The following KCNN2 variants were observed in gnomAD, a reference collection of about 807,000 sequenced individuals.
The protein encoded by KCNN2 is potassium calcium-activated channel subfamily N member 2.
A neutral mutation model predicts 55.5 loss-of-function variants in KCNN2; 24 were observed. That is an observed-to-expected ratio of 0.43 (90% CI 0.31 to 0.61). The LOEUF is 0.61. KCNN2 is among the 20% of genes least tolerant of loss of function. KCNN2 has a pLI of 0.08. For missense variants in KCNN2, 754 were observed against 853.6 expected, an observed-to-expected ratio of 0.88 and a Z score of 1.45; for synonymous variants, 431 against 336.1, an observed-to-expected ratio of 1.28 and a Z score of -3.09.
chr5:114,246,958 C>A (rs1754758567), intron 2 of KCNN2, among the ~76,000 whole-genome samples: 3 of 151,408 alleles, frequency 2.0e-5, no homozygotes. Context: ...AATATAATTT[C>A]TCTGATTTGT....
At chr5:114,278,291 G>A (rs1014059511) in intron 2 of KCNN2, among the ~76,000 whole-genome samples, 2 of 152,126 alleles carry the variant, frequency 1.3e-5, no homozygotes, top group Non-Finnish European at 2.9e-5. Context: ...TCCCAGTCAG[G>A]CTACATGGGG....
chr5:114,106,974 C>G (rs1055961933), intron 1 of KCNN2, among the ~76,000 whole-genome samples: 1 of 151,974 alleles, frequency 6.6e-6, no homozygotes, highest in South Asian at 2.1e-4. Context: ...AGATATTCTC[C>G]TATTCAATCT....
Position 114,362,919 on chromosome 5 carries a change from C to T in KCNN2, c.780C>T (p.Ser260=). ...ASVGGGGGAS[S]PSAAAAAAAA... ...TCGGAGGAGGTGGCGGCGCGTCCTC[C>T]CCGTCTGCAGCCGCTGCCGCCGCCG... The change falls in exon 1 of 8, where the codon TCC becomes TCT. Residue 260 remains serine (S), a synonymous_variant. Transcript: ENST00000673685. 6.3e-7 allele frequency: 1 copy of T among 1,580,606 alleles called. No individual in the cohort carries two copies.
chr5:114,291,550 T>C (rs1260310674), intron 2 of KCNN2, among the ~76,000 whole-genome samples: 2 of 151,892 alleles, frequency 1.3e-5, no homozygotes, highest in Non-Finnish European at 1.5e-5. Context: ...TAGTATGCCA[T>C]GGTGTATATG....
intron 3 of KCNN2, among the ~76,000 whole-genome samples, chr5:114,441,056 TAAAG>T (rs1483978130): frequency 6.6e-6 from 1 of 152,094 alleles, no homozygotes; most frequent in Admixed American, 6.6e-5. Context: ...TAATATCTGA[TAAAG>T]ATAGTGTTAA....
At chr5:114,240,308 C>T (rs1754591181) in intron 2 of KCNN2, among the ~76,000 whole-genome samples, 1 of 151,686 alleles carries the variant, frequency 6.6e-6, no homozygotes, top group East Asian at 1.9e-4. Flanking sequence ...ATTTATTCCT[C>T]ATAAAAGCTT....
intron 1 of KCNN2, among the ~76,000 whole-genome samples, chr5:114,094,550 A>C (rs1300373611): frequency 6.6e-6 from 1 of 152,222 alleles, no homozygotes; most frequent in Admixed American, 6.5e-5. Flanking sequence ...TTTAGGGGAA[A>C]AACTACTTCC....
chr5:114,377,918 G>A (rs531590152), intron 2 of KCNN2, among the ~76,000 whole-genome samples: 1 of 152,208 alleles, frequency 6.6e-6, no homozygotes, highest in East Asian at 1.9e-4. Context: ...TTCTGTCATT[G>A]TTACTACTCT....
Position 114,496,307 on chromosome 5 carries a change from A to G in KCNN2, c.*125A>G. On this transcript the variant is annotated 3_prime_UTR_variant, in exon 8 of 8. Coordinates refer to ENST00000673685, the MANE Select transcript of KCNN2 (RefSeq NM_021614.4). ...GGGTTCTGATGTCAGAATCCTGGGA[A>G]CCTGAACACTAAGTTTTAGGCCAAA... 9.5e-7 allele frequency: 1 copy of G among 1,057,684 alleles called. No individual in the cohort carries two copies. Among genetic ancestry groups the G allele is most frequent in the Non-Finnish European group, 1.3e-6 (1 of 750,692 alleles). 65.5% of individuals were successfully genotyped at this position (1,057,684 alleles called of 1,614,324 possible). A position where few individuals can be genotyped will look rare whatever the true frequency, so the allele number is the denominator to read the frequency against.
chr5:114,394,258 T>C (rs1758547918), intron 2 of KCNN2, among the ~76,000 whole-genome samples: 1 of 152,212 alleles, frequency 6.6e-6, no homozygotes, highest in Admixed American at 6.5e-5. Flanking sequence ...CATTTGTTTC[T>C]ATAAGTTTAA....
At chr5:114,076,434 A>G (rs879782998) in intron 1 of KCNN2, among the ~76,000 whole-genome samples, 2 of 152,212 alleles carry the variant, frequency 1.3e-5, no homozygotes, top group African/African-American at 2.4e-5. Flanking sequence ...CAAAAAGAGA[A>G]TAGATGTGAT....
Position 114,058,518 on chromosome 5 carries a change from A to G in KCNN2, c.-271+2018A>G, listed in dbSNP as rs371853436. On this transcript the variant is annotated intron_variant, in intron 1 of 10. Transcript: ENST00000512097. Reference sequence around the variant, plus strand: ...CAGGGCATGCTTGGGCTAATGATGAAAGTGTATGGTGGACCACGTATTAAG... The same window carrying G: ...CAGGGCATGCTTGGGCTAATGATGAGAGTGTATGGTGGACCACGTATTAAG... 1.4e-4 allele frequency among the ~76,000 whole-genome samples: 21 copies of G among 152,236 alleles called. No homozygotes were observed. In the East Asian group the frequency reaches 3.7e-3, roughly 27 times the overall value.
At chr5:114,379,935 T>C (rs1758065373) in intron 2 of KCNN2, among the ~76,000 whole-genome samples, 1 of 149,192 alleles carries the variant, frequency 6.7e-6, no homozygotes. Flanking sequence ...CCATCTATAT[T>C]ATATGTAAAG....
Position 114,165,629 on chromosome 5 carries a change from A to T in KCNN2, c.-270-55851A>T, listed in dbSNP as rs1580579808. 3.3e-5 allele frequency among the ~76,000 whole-genome samples: 5 copies of T among 152,160 alleles called. No homozygotes were observed. In the South Asian group the frequency reaches 1.0e-3, roughly 32 times the overall value. ...AGATTTGGTTCTTATCCATGGCCTT[A>T]TTGGTCTTAATTGTCCTGTGTGTTG... On this transcript the variant is annotated intron_variant, in intron 1 of 10. Transcript: ENST00000512097.
intron 5 of KCNN2, among the ~76,000 whole-genome samples, chr5:114,479,006 C>T (rs975415766): frequency 6.6e-6 from 1 of 151,564 alleles, no homozygotes; most frequent in African/African-American, 2.4e-5. Context: ...TTCAAAATAA[C>T]CAGCTAGCAT....
intron 2 of KCNN2, among the ~76,000 whole-genome samples, chr5:114,375,952 G>GTATATATATATATGTATATATA (rs1554084349): frequency 2.3e-3 from 236 of 104,706 alleles, no homozygotes; most frequent in Middle Eastern, 5.1e-3. Context: ...GACTCACAGT[G>GTATATATATATATGTATATATA]TATATATATA....
chr5:114,395,382 AGTT>A (rs1758584512), intron 2 of KCNN2, among the ~76,000 whole-genome samples: 1 of 152,208 alleles, frequency 6.6e-6, no homozygotes, highest in East Asian at 1.9e-4. Context: ...TATGCCTACA[AGTT>A]ACTTTAGACC....
intron 1 of KCNN2, among the ~76,000 whole-genome samples, chr5:114,075,398 T>A (rs890485275): frequency 6.6e-5 from 10 of 152,170 alleles, no homozygotes; most frequent in African/African-American, 2.4e-4. Context: ...AGGCTGATAA[T>A]TTGCTAAAAA....
chr5:114,181,004 G>C (rs1753226764), intron 1 of KCNN2, among the ~76,000 whole-genome samples: 1 of 152,118 alleles, frequency 6.6e-6, no homozygotes, highest in African/African-American at 2.4e-5. Flanking sequence ...ATTTCATCAT[G>C]TATATTTATG....
Sources: gnomAD v4.1 joint callset for allele counts (sites outside exome capture counted in the v4.1 genomes callset) on GRCh38, gnomAD v4.1.1 for gene constraint, MANE v1.5 for transcripts, NCBI Gene and HGNC (gene_info 2026-07-23, HGNC 2026-07-21) for gene names.